Variants in LCLAT1 observed in about 807,000 individuals in gnomAD.
The protein encoded by LCLAT1 is 1-AGP acyltransferase 8.
Under a neutral mutation model 30.7 loss-of-function variants are expected in LCLAT1, and 11 were observed. That is an observed-to-expected ratio of 0.36 (90% CI 0.23 to 0.59). The LOEUF (loss-of-function observed/expected upper bound fraction) is 0.59. LCLAT1 is among the 20% of genes least tolerant of loss of function. LCLAT1 has a pLI of 0.77. For missense variants in LCLAT1, 402 were observed against 458.6 expected, an observed-to-expected ratio of 0.88 and a Z score of 1.13; for synonymous variants, 155 against 151.3, an observed-to-expected ratio of 1.02 and a Z score of -0.18.
intron 1 of LCLAT1, among the ~76,000 whole-genome samples, chr2:30,463,755 A>G (rs1404960044): frequency 6.6e-6 from 1 of 152,202 alleles, no homozygotes; most frequent in African/African-American, 2.4e-5. Flanking sequence ...GTTGATTTTG[A>G]TGTCCTCAAG....
At chr2:30,472,890 T>C (rs829562) in intron 1 of LCLAT1, among the ~76,000 whole-genome samples, 33,844 of 152,104 alleles carry the variant, frequency 0.22, 3,851 homozygotes, top group East Asian at 0.35. Flanking sequence ...ATGCATTAGA[T>C]GAAACTTTTA....
Position 30,484,742 on chromosome 2 carries a change from A to ACATTAAAT in LCLAT1, c.-5+37359_-5+37360insCATTAAAT, listed in dbSNP as rs1290328542. Among the ~76,000 whole-genome samples, 1,265 of 152,250 alleles carry ACATTAAAT rather than the reference A, an allele frequency of 8.3e-3. 20 individuals carry two copies. The highest frequency in any genetic ancestry group is 0.029 in the African/African-American group (1,214 of 41,562). On this transcript the variant is annotated intron_variant, in intron 1 of 5. Coordinates refer to ENST00000379509, the MANE Select transcript of LCLAT1 (RefSeq NM_001002257.3). ...GTGTTTAACTGTATGTACATTTGAG[A>ACATTAAAT]GTGTAACATTCAGTAACATTTGACA...
At chr2:30,544,524 C>G (rs1156315207) in intron 3 of LCLAT1, among the ~76,000 whole-genome samples, 1 of 152,110 alleles carries the variant, frequency 6.6e-6, no homozygotes, top group Non-Finnish European at 1.5e-5. Context: ...TCCAGTTATG[C>G]TGTTAGTAGC....
At chr2:30,588,917 TA>T (rs1475072318) in intron 5 of LCLAT1, among the ~76,000 whole-genome samples, 3 of 152,200 alleles carry the variant, frequency 2.0e-5, no homozygotes, top group Admixed American at 2.0e-4. Flanking sequence ...GCCCTAGTTT[TA>T]TTCAGCTGTA....
At chr2:30,505,529 A>G (rs1684618109) in intron 1 of LCLAT1, among the ~76,000 whole-genome samples, 1 of 152,102 alleles carries the variant, frequency 6.6e-6, no homozygotes, top group Non-Finnish European at 1.5e-5. Flanking sequence ...TGCATGTAAC[A>G]TTTTTGGGTG....
At chr2:30,575,448 C>T (rs775856379) in intron 5 of LCLAT1, among the ~76,000 whole-genome samples, 5 of 152,124 alleles carry the variant, frequency 3.3e-5, no homozygotes, top group African/African-American at 7.2e-5. Flanking sequence ...CACATATGCA[C>T]ATCTGATTAG....
intron 5 of LCLAT1, among the ~76,000 whole-genome samples, chr2:30,590,545 C>G (rs2593441): frequency 6.8e-6 from 1 of 148,024 alleles, no homozygotes; most frequent in South Asian, 2.1e-4. Context: ...ATATGTATAT[C>G]TATTATTATA....
At chr2:30,521,492 C>CTTT (rs869093721) in intron 1 of LCLAT1, among the ~76,000 whole-genome samples, 417 of 16,776 alleles carry the variant, frequency 0.025, 39 homozygotes, top group Non-Finnish European at 0.038. Flanking sequence ...ACTACTTCTT[C>CTTT]TTTTTTTTTT....
chr2:30,577,611 C>A (rs989845568), intron 5 of LCLAT1, among the ~76,000 whole-genome samples: 1 of 152,122 alleles, frequency 6.6e-6, no homozygotes, highest in Admixed American at 6.6e-5. Flanking sequence ...TGCTGATTTA[C>A]ATTTGTTTCT....
Position 30,523,535 on chromosome 2 carries a change from T to C in LCLAT1, c.-4-2052T>C, listed in dbSNP as rs533571758. ...GTTGATATTTATTCAGTTTGTACTT[T>C]GAAGGATTTTGTACACGTACTGTCA... On this transcript the variant is annotated intron_variant, in intron 1 of 5. Coordinates refer to ENST00000379509, the MANE Select transcript of LCLAT1 (RefSeq NM_001002257.3). Among the ~76,000 whole-genome samples the C allele has an allele frequency of 9.8e-5, 15 of 152,300 alleles. No individual in the cohort carries two copies. The South Asian group carries it at 2.5e-3, about 25-fold the overall frequency.
At chr2:30,611,498 A>C (rs2166669) in intron 5 of LCLAT1, among the ~76,000 whole-genome samples, 1 of 151,956 alleles carries the variant, frequency 6.6e-6, no homozygotes, top group South Asian at 2.1e-4. Flanking sequence ...CTTTATTTTC[A>C]GGTTTCTAAG....
intron 1 of LCLAT1, among the ~76,000 whole-genome samples, chr2:30,483,927 T>A (rs1683443011): frequency 1.3e-5 from 2 of 152,222 alleles, no homozygotes; most frequent in South Asian, 4.1e-4. Flanking sequence ...TGGGGCATTT[T>A]TTTTTACCTT....
chr2:30,634,373 C>A (rs1042944391), intron 5 of LCLAT1, among the ~76,000 whole-genome samples: 2 of 152,200 alleles, frequency 1.3e-5, no homozygotes, highest in African/African-American at 4.8e-5. Flanking sequence ...CGCCTGTAAT[C>A]CCAACACTTT....
intron 5 of LCLAT1, chr2:30,605,948 A>C: frequency 8.6e-7 from 1 of 1,168,690 alleles, no homozygotes; most frequent in Non-Finnish European, 1.1e-6. Context: ...CCTCACTTGC[A>C]CAGTTCACAG....
At chr2:30,467,994 T>C (rs1223873392) in intron 1 of LCLAT1, among the ~76,000 whole-genome samples, 3 of 152,232 alleles carry the variant, frequency 2.0e-5, no homozygotes, top group Admixed American at 6.5e-5. Context: ...TTTTGGTGTT[T>C]TAGACATGAA....
chr2:30,549,797 T>C (rs1345533695), intron 3 of LCLAT1, among the ~76,000 whole-genome samples: 1 of 152,218 alleles, frequency 6.6e-6, no homozygotes, highest in African/African-American at 2.4e-5. Context: ...GTATTTATTA[T>C]ATATGTCATT....
intron 5 of LCLAT1, among the ~76,000 whole-genome samples, chr2:30,624,253 T>C (rs1439607772): frequency 6.6e-6 from 1 of 152,190 alleles, no homozygotes; most frequent in Non-Finnish European, 1.5e-5. Flanking sequence ...ATGAATAGAA[T>C]AGTACTTCAC....
Position 30,640,658 on chromosome 2 carries a change from T to C in LCLAT1, c.*39T>C, listed in dbSNP as rs747722340. 13 of 1,536,214 alleles carry C rather than the reference T, an allele frequency of 8.5e-6. No individual in the cohort carries two copies. The African/African-American group carries it at 1.7e-4, about 20-fold the overall frequency. The stretch of plus-strand genomic sequence containing the variant: ...GCCATGTGAAAACCTAGAGCATATT[T>C]TGGAAATGTTCTAAACCTTTCTAAG... On this transcript the variant is annotated 3_prime_UTR_variant, in exon 6 of 6. Coordinates refer to ENST00000379509, the MANE Select transcript of LCLAT1 (RefSeq NM_001002257.3).
intron 5 of LCLAT1, among the ~76,000 whole-genome samples, chr2:30,584,960 A>C (rs909310926): frequency 1.3e-5 from 2 of 151,892 alleles, no homozygotes; most frequent in Non-Finnish European, 2.9e-5. Context: ...AAAAAAAAAA[A>C]AAAAAAACCC....
Sources: gnomAD v4.1 joint callset for allele counts (sites outside exome capture counted in the v4.1 genomes callset) on GRCh38, gnomAD v4.1.1 for gene constraint, MANE v1.5 for transcripts, NCBI Gene and HGNC (gene_info 2026-07-23, HGNC 2026-07-21) for gene names.